Variants in SLC22A24 observed in about 807,000 individuals in gnomAD.
SLC22A24 encodes the protein solute carrier family 22 member 24, also known as steroid transmembrane transporter SLC22A24.
Under a neutral mutation model 49.8 loss-of-function variants are expected in SLC22A24, and 53 were observed. The ratio of observed to expected loss-of-function variants is 1.06; its 90% CI spans 0.85 to 1.34. The LOEUF (loss-of-function observed/expected upper bound fraction) is 1.34. Ranked by LOEUF, SLC22A24 falls within the 40% of genes most tolerant of loss-of-function variation. The pLI, the probability that SLC22A24 is intolerant of heterozygous loss-of-function variation, is 0.00. For missense variants in SLC22A24, 786 were observed against 675.9 expected (o/e 1.16, Z -1.81); for synonymous variants, 302 against 256.4 (o/e 1.18, Z -1.70).
chr11:63,106,429 A>T (rs1261196527), intron 4 of SLC22A24, among the ~76,000 whole-genome samples: 2 of 152,072 alleles, frequency 1.3e-5, no homozygotes, highest in Non-Finnish European at 2.9e-5. Context: ...ATGATTTATA[A>T]TCCTTTGGGT....
intron 4 of SLC22A24, among the ~76,000 whole-genome samples, chr11:63,110,187 G>A (rs2087152701): frequency 6.6e-6 from 1 of 151,170 alleles, no homozygotes. Flanking sequence ...TGAGGGCTCT[G>A]TTCTGTTCCA....
At chr11:63,094,276 A>T (rs2087039042) in intron 6 of SLC22A24, among the ~76,000 whole-genome samples, 2 of 148,576 alleles carry the variant, frequency 1.3e-5, no homozygotes, top group South Asian at 4.2e-4. Context: ...TTTGCTGAGA[A>T]TGATGGTTTC....
intron 6 of SLC22A24, among the ~76,000 whole-genome samples, chr11:63,090,144 G>A (rs537648916): frequency 1.4e-5 from 2 of 147,808 alleles, no homozygotes; most frequent in South Asian, 4.3e-4. Context: ...AGGGATCAAT[G>A]CGACAAGAAG....
At chr11:63,087,399 C>T (rs1056055606) in intron 6 of SLC22A24, among the ~76,000 whole-genome samples, 18 of 152,216 alleles carry the variant, frequency 1.2e-4, no homozygotes, top group Admixed American at 6.5e-4. Flanking sequence ...CGGGTTACTA[C>T]ACTTTTCCTA....
intron 4 of SLC22A24, among the ~76,000 whole-genome samples, chr11:63,113,853 C>CAAA (rs376625916): frequency 8.0e-5 from 8 of 100,192 alleles, no homozygotes; most frequent in Admixed American, 3.3e-4. Context: ...GACTCCATCT[C>CAAA]AAAAAAAAAA....
In SLC22A24 at chr11:63,118,909, T is replaced by C. The variant is rs371584277; in HGVS notation, c.830+3A>G. 35 of 1,552,022 alleles carry C rather than the reference T, an allele frequency of 2.3e-5. No homozygotes were observed. In the South Asian group the frequency reaches 2.4e-4, roughly 11 times the overall value. On this transcript the variant is annotated splice_donor_region_variant and intron_variant, in intron 4 of 9. Transcript: ENST00000612278. ...AGGCAAAGAATGTGGAGATTGTTCA[T>C]ACCAAGAGGACAAGAAGAGGACAAT...
chr11:63,129,725 TTC>T (rs1316210492), intron 2 of SLC22A24, among the ~76,000 whole-genome samples: 1 of 152,222 alleles, frequency 6.6e-6, no homozygotes, highest in Non-Finnish European at 1.5e-5. Flanking sequence ...AGGTATTTTA[TTC>T]TCTTTGTAGT....
At chr11:63,080,323 C>T (rs749183248) in intron 9 of SLC22A24, among the ~76,000 whole-genome samples, 9 of 152,160 alleles carry the variant, frequency 5.9e-5, no homozygotes, top group Non-Finnish European at 1.3e-4. Flanking sequence ...ATCCTGCTTT[C>T]TTTTCTTAAT....
chr11:63,108,804 C>G (rs1401705341), intron 4 of SLC22A24, among the ~76,000 whole-genome samples: 1 of 148,800 alleles, frequency 6.7e-6, no homozygotes, highest in Non-Finnish European at 1.5e-5. Context: ...TTTTTTGCAT[C>G]TATTTGATTC....
chr11:63,121,803 C>A lies in SLC22A24; in HGVS notation c.507-2468G>T, dbSNP rs563653838. Among the ~76,000 whole-genome samples, 7 of 152,246 alleles carry A rather than the reference C, an allele frequency of 4.6e-5. No individual in the cohort carries two copies. In the South Asian group the frequency reaches 1.4e-3, roughly 32 times the overall value. On this transcript the variant is annotated intron_variant, in intron 2 of 9. Coordinates refer to ENST00000612278, the MANE Select transcript of SLC22A24 (RefSeq NM_001136506.2). ...TCCCTCCCGACTCCCCGCCACCCCACAACAGTCCCCGGAGTGTGATGTTCC... is the reference window on the plus strand; with the variant it reads ...TCCCTCCCGACTCCCCGCCACCCCAAAACAGTCCCCGGAGTGTGATGTTCC...
Position 63,143,506 on chromosome 11 carries a change from T to G in SLC22A24, c.274A>C (p.Ile92Leu). Residue 92 changes from isoleucine to leucine, a missense_variant, in exon 1 of 10, where the codon ATC (isoleucine) becomes CTC (leucine). Coordinates refer to ENST00000612278, the MANE Select transcript of SLC22A24 (RefSeq NM_001136506.2). ...TGAAGGAGCTGCCACTGGGGATGGA[T>G]AAAGCGCTGACACTTCTGTGGCCTC... ...NLRPQKCQRF[I>L]HPQWQLLHLN... 1 of 1,601,036 alleles carries G rather than the reference T, an allele frequency of 6.2e-7. No individual in the cohort carries two copies. The highest frequency in any genetic ancestry group is 8.5e-7 in the Non-Finnish European group (1 of 1,174,094).
At chr11:63,107,280 C>T (rs927651792) in intron 4 of SLC22A24, among the ~76,000 whole-genome samples, 2 of 152,026 alleles carry the variant, frequency 1.3e-5, no homozygotes, top group African/African-American at 4.8e-5. Context: ...TGTTCTGTTC[C>T]ATTGGTCTAT....
At chr11:63,093,180 C>T (rs200871187) in intron 6 of SLC22A24, among the ~76,000 whole-genome samples, 1 of 152,156 alleles carries the variant, frequency 6.6e-6, no homozygotes, top group East Asian at 1.9e-4. Flanking sequence ...ATTAAAAAGT[C>T]AGGAAACAAC....
At chr11:63,096,238 T>G (rs2087054341) in intron 5 of SLC22A24, 132 bp from the exon 6 acceptor site, 1 of 601,778 alleles carries the variant, frequency 1.7e-6, no homozygotes, top group African/African-American at 1.9e-5. Flanking sequence ...GTGGGGAATA[T>G]GAGCATTAAA....
chr11:63,111,421 A>G (rs2087163886), intron 4 of SLC22A24, among the ~76,000 whole-genome samples: 1 of 151,850 alleles, frequency 6.6e-6, no homozygotes, highest in African/African-American at 2.4e-5. Flanking sequence ...TTCAGAAGGA[A>G]AGGTACCAGT....
At chr11:63,097,275 C>A (rs1464023068) in intron 5 of SLC22A24, among the ~76,000 whole-genome samples, 1 of 151,928 alleles carries the variant, frequency 6.6e-6, no homozygotes, top group African/African-American at 2.4e-5. Flanking sequence ...AGTATATGAA[C>A]AGACATTTCT....
chr11:63,105,126 G>T (rs773043038), intron 4 of SLC22A24, among the ~76,000 whole-genome samples: 1 of 152,196 alleles, frequency 6.6e-6, no homozygotes, highest in Non-Finnish European at 1.5e-5. Flanking sequence ...AGGTCATGCC[G>T]ATGCAAGGGG....
intron 2 of SLC22A24, among the ~76,000 whole-genome samples, chr11:63,124,992 T>C (rs1406755703): frequency 1.3e-5 from 2 of 151,750 alleles, no homozygotes; most frequent in Non-Finnish European, 2.9e-5. Flanking sequence ...TTAGGAGATA[T>C]ACCTAATGCT....
At chr11:63,109,996 C>T (rs2087151034) in intron 4 of SLC22A24, among the ~76,000 whole-genome samples, 1 of 152,102 alleles carries the variant, frequency 6.6e-6, no homozygotes, top group African/African-American at 2.4e-5. Flanking sequence ...ACGTTTAAGT[C>T]TTTAATCCAT....
Sources: allele counts gnomAD v4.1 joint callset (sites outside exome capture counted in the v4.1 genomes callset), GRCh38; gene constraint gnomAD v4.1.1; transcripts MANE v1.5; gene names NCBI Gene and HGNC (gene_info 2026-07-23, HGNC 2026-07-21).